The following SND1 variants were observed in gnomAD, a reference collection of about 807,000 sequenced individuals.
SND1 encodes staphylococcal nuclease and tudor domain containing 1.
In SND1, 38 loss-of-function variants were observed where a neutral mutation model predicts 121.7. The ratio of observed to expected loss-of-function variants is 0.31; its 90% confidence interval spans 0.24 to 0.41. SND1 has a LOEUF of 0.41. Ranked by LOEUF, SND1 falls within the 10% of genes least tolerant of loss-of-function variation. SND1 has a pLI of 1.00. For missense variants in SND1, 868 were observed against 1,184.6 expected, an observed-to-expected ratio of 0.73 and a Z score of 3.92; for synonymous variants, 401 against 447.4, an observed-to-expected ratio of 0.90 and a Z score of 1.31.
At chr7:127,870,991 A>T (rs541258138) in intron 12 of SND1, among the ~76,000 whole-genome samples, 3 of 152,216 alleles carry the variant, frequency 2.0e-5, no homozygotes, top group Admixed American at 6.5e-5. Flanking sequence ...TTTAAAATTT[A>T]TTTATTTATT....
intron 16 of SND1, among the ~76,000 whole-genome samples, chr7:127,996,343 C>T (rs1436380255): frequency 6.6e-6 from 1 of 152,116 alleles, no homozygotes; most frequent in East Asian, 1.9e-4. Flanking sequence ...TGTGCTGTAT[C>T]GTGTCTGAAA....
At chr7:127,887,787 T>A in intron 12 of SND1, 115 bp from the exon 13 acceptor site, 1 of 625,006 alleles carries the variant, frequency 1.6e-6, no homozygotes, top group Non-Finnish European at 2.8e-6. Flanking sequence ...AACCTTGGCT[T>A]CTCTCTCCCT....
intron 14 of SND1, among the ~76,000 whole-genome samples, chr7:127,906,857 A>G (rs1381467292): frequency 6.6e-6 from 1 of 151,978 alleles, no homozygotes; most frequent in Non-Finnish European, 1.5e-5. Flanking sequence ...TGCTTTTTTT[A>G]TTCCTTTATT....
In SND1 at chr7:127,691,912, G is replaced by T. The variant is rs1175801875; in HGVS notation, c.229-2916G>T. 2.6e-5 allele frequency among the ~76,000 whole-genome samples: 4 copies of T among 151,530 alleles called. No individual in the cohort carries two copies. The East Asian group carries it at 7.9e-4, about 30-fold the overall frequency. On this transcript the variant is annotated intron_variant, in intron 2 of 23. Coordinates refer to ENST00000354725, the MANE Select transcript of SND1 (RefSeq NM_014390.4). ...CTCCCAAAGTGTTGGGATTACAGCCGTGAGCCTCCCAAAGTGCTGGGATTA... is the reference window on the plus strand; with the variant it reads ...CTCCCAAAGTGTTGGGATTACAGCCTTGAGCCTCCCAAAGTGCTGGGATTA...
intron 12 of SND1, among the ~76,000 whole-genome samples, chr7:127,848,639 A>G (rs759811854): frequency 3.9e-5 from 6 of 152,192 alleles, no homozygotes; most frequent in Non-Finnish European, 8.8e-5. Flanking sequence ...CACAGCACCT[A>G]GTGGCTTTCC....
At chr7:128,051,776 C>T (rs554118160) in intron 16 of SND1, among the ~76,000 whole-genome samples, 4 of 152,314 alleles carry the variant, frequency 2.6e-5, no homozygotes, top group East Asian at 3.9e-4. Flanking sequence ...AGGCAAGGAA[C>T]GAACACTTGT....
At chr7:127,723,216 T>G (rs573319635) in intron 10 of SND1, among the ~76,000 whole-genome samples, 7 of 152,318 alleles carry the variant, frequency 4.6e-5, no homozygotes, top group Admixed American at 1.3e-4. Flanking sequence ...CTGAGTATTT[T>G]TAGTCCCAGT....
chr7:128,078,293 AAG>A (rs1214463661), intron 17 of SND1, among the ~76,000 whole-genome samples: 1 of 152,248 alleles, frequency 6.6e-6, no homozygotes, highest in Non-Finnish European at 1.5e-5. Context: ...CCCACAGGGA[AAG>A]AGGGAACCGT....
intron 12 of SND1, among the ~76,000 whole-genome samples, chr7:127,856,817 G>A (rs1254455775): frequency 6.6e-6 from 1 of 152,116 alleles, no homozygotes; most frequent in East Asian, 1.9e-4. Context: ...GGATCATTTT[G>A]GCATTGACTA....
intron 10 of SND1, among the ~76,000 whole-genome samples, chr7:127,765,304 A>G (rs1422553374): frequency 6.6e-6 from 1 of 152,232 alleles, no homozygotes; most frequent in Non-Finnish European, 1.5e-5. Flanking sequence ...TTTAAAAAAA[A>G]TGAACCTGGC....
rs142800523 is a variant in SND1, at chr7:127,875,762, G to A, written c.1344-12140G>A. On this transcript the variant is annotated intron_variant, in intron 12 of 23. Coordinates refer to ENST00000354725, the MANE Select transcript of SND1 (RefSeq NM_014390.4). Reference sequence around the variant, plus strand: ...GTTCCATGGTGGACATCCTGTAGATGTTCATTATGTCTGAAATATTCTTTT... The same window carrying A: ...GTTCCATGGTGGACATCCTGTAGATATTCATTATGTCTGAAATATTCTTTT... Among the ~76,000 whole-genome samples, 654 of 152,236 alleles carry A rather than the reference G, an allele frequency of 4.3e-3. 3 individuals carry two copies. The highest frequency in any genetic ancestry group is 0.015 in the African/African-American group (621 of 41,550).
In SND1 at chr7:127,887,951, TA is replaced by T; in HGVS notation, c.1394del (p.Tyr465SerfsTer205). Reference protein sequence around the residue: ...VSKGLATVIRYRQDDDQRSSH... With the variant: ...VSKGLATVIRXRQDDDQRSSH... ...CAAAGGTCTAGCCACAGTGATCAGA[TA>T]CCGGCAGGATGATGACCAGAGATCA... On this transcript the variant is annotated frameshift_variant, in exon 13 of 24. Transcript: ENST00000354725. LOFTEE classifies it high-confidence loss of function. 6.2e-7 allele frequency: 1 copy of T among 1,612,370 alleles called. No individual in the cohort carries two copies. The highest frequency in any genetic ancestry group is 8.5e-7 in the Non-Finnish European group (1 of 1,178,968).
intron 12 of SND1, among the ~76,000 whole-genome samples, chr7:127,885,418 G>A (rs1296783746): frequency 6.6e-6 from 1 of 152,116 alleles, no homozygotes; most frequent in Non-Finnish European, 1.5e-5. Context: ...CTATAATTAG[G>A]GGATAAGAAG....
At chr7:127,996,344 G>A (rs952569912) in intron 16 of SND1, among the ~76,000 whole-genome samples, 4 of 152,164 alleles carry the variant, frequency 2.6e-5, no homozygotes, top group African/African-American at 7.2e-5. Flanking sequence ...GTGCTGTATC[G>A]TGTCTGAAAT....
intron 9 of SND1, among the ~76,000 whole-genome samples, chr7:127,713,099 A>C (rs1401230694): frequency 1.3e-5 from 2 of 152,276 alleles, no homozygotes; most frequent in Non-Finnish European, 2.9e-5. Flanking sequence ...TTAAAGGACC[A>C]CATTGTAAAT....
intron 9 of SND1, chr7:127,718,826 C>A: frequency 1.3e-6 from 1 of 755,338 alleles, no homozygotes; most frequent in Non-Finnish European, 1.6e-6. Flanking sequence ...CAGAAAACGT[C>A]TAGATATTTC....
intron 10 of SND1, among the ~76,000 whole-genome samples, chr7:127,760,069 AGGC>A (rs779489942): frequency 6.6e-6 from 1 of 152,084 alleles, no homozygotes; most frequent in Non-Finnish European, 1.5e-5. Flanking sequence ...TCCTCATGAC[AGGC>A]TGCCCTCCCT....
At chr7:127,841,430 C>T (rs1476014615) in intron 11 of SND1, among the ~76,000 whole-genome samples, 1 of 152,190 alleles carries the variant, frequency 6.6e-6, no homozygotes, top group Non-Finnish European at 1.5e-5. Flanking sequence ...GGACCATACC[C>T]TGTGGCCTTG....
intron 1 of SND1, among the ~76,000 whole-genome samples, chr7:127,656,764 G>A (rs911747434): frequency 6.6e-5 from 10 of 152,102 alleles, no homozygotes; most frequent in African/African-American, 2.4e-4. Flanking sequence ...TTGGGGGTGG[G>A]TTCCCCCAAT....
Sources: allele counts gnomAD v4.1 joint callset (sites outside exome capture counted in the v4.1 genomes callset), GRCh38; gene constraint gnomAD v4.1.1; transcripts MANE v1.5; gene names NCBI Gene and HGNC (gene_info 2026-07-23, HGNC 2026-07-21).